Variants in ATG7 observed in about 807,000 individuals in gnomAD.
The protein encoded by ATG7 is ubiquitin-like modifier-activating enzyme ATG7.
A neutral mutation model predicts 82.4 loss-of-function variants in ATG7; 70 were observed. That is an observed-to-expected ratio of 0.85 (90% CI 0.70 to 1.04). The LOEUF is 1.04. ATG7 is among the 50% of genes least tolerant of loss of function. The pLI, the probability that ATG7 is intolerant of heterozygous loss-of-function variation, is 0.00. For missense variants in ATG7, 792 were observed against 864.3 expected, an observed-to-expected ratio of 0.92 and a Z score of 1.05; for synonymous variants, 287 against 313.0, an observed-to-expected ratio of 0.92 and a Z score of 0.88.
In ATG7 at chr3:11,447,204, G is replaced by C. The variant is rs181599321; in HGVS notation, c.2079+20278G>C. Among the ~76,000 whole-genome samples, 45 of 152,300 alleles carry C rather than the reference G, an allele frequency of 3.0e-4. 1 individual carries two copies. The East Asian group carries it at 6.9e-3, about 24-fold the overall frequency. Reference sequence around the variant, plus strand: ...TTATTGGCTGGACACAGTGGCTTACGCCTGTAATCCCAGCACTTTGGGAGG... The same window carrying C: ...TTATTGGCTGGACACAGTGGCTTACCCCTGTAATCCCAGCACTTTGGGAGG... On this transcript the variant is annotated intron_variant, in intron 20 of 20. Coordinates refer to ENST00000693202, the MANE Select transcript of ATG7 (RefSeq NM_001349232.2).
At chr3:11,329,122 A>G (rs1199743017) in intron 9 of ATG7, among the ~76,000 whole-genome samples, 1 of 152,150 alleles carries the variant, frequency 6.6e-6, no homozygotes, top group African/African-American at 2.4e-5. Flanking sequence ...AACAACAAAG[A>G]CAGTATTTAT....
At chr3:11,565,227 G>A in the ATG7 span, among the ~76,000 whole-genome samples, 1 of 152,154 alleles carries the variant, frequency 6.6e-6, no homozygotes, top group South Asian at 2.1e-4. The surrounding 1 kb of genome is among the most constrained non-coding windows in gnomAD (Gnocchi z 4.1). Flanking sequence ...TGCCAGCGGA[G>A]TCCAAAGTCA....
At chr3:11,295,759 ATTT>A (rs1945773200) in intron 3 of ATG7, among the ~76,000 whole-genome samples, 1 of 144,068 alleles carries the variant, frequency 6.9e-6, no homozygotes, top group Non-Finnish European at 1.5e-5. Flanking sequence ...TACTGGTTCT[ATTT>A]CTTTCTTTCT....
In ATG7 at chr3:11,371,278, A is replaced by AG. The variant is rs1326847196; in HGVS notation, c.1875+6545dup. On this transcript the variant is annotated intron_variant, in intron 18 of 20. Transcript: ENST00000693202. ...AGTAAGTGCTTTAGCAGGGGGACGTAGAACAGGCAGAAACAATGGCTGGGA... is the reference window on the plus strand; with the variant it reads ...AGTAAGTGCTTTAGCAGGGGGACGTAGGAACAGGCAGAAACAATGGCTGGGA... 1.1e-4 allele frequency among the ~76,000 whole-genome samples: 16 copies of AG among 151,268 alleles called. 2 individuals carry two copies. In the South Asian group the frequency reaches 3.1e-3, roughly 30 times the overall value.
intron 20 of ATG7, among the ~76,000 whole-genome samples, chr3:11,542,409 C>T (rs1313461622): frequency 2.0e-5 from 3 of 152,208 alleles, no homozygotes; most frequent in Non-Finnish European, 2.9e-5. Context: ...AGTCTTCTGC[C>T]GGAAACCTCA....
In ATG7 at chr3:11,557,525, C is replaced by T. The variant is rs1031890487; in HGVS notation, c.*2682C>T. The T allele has an allele frequency of 2.0e-5, 3 of 152,562 alleles. No homozygotes were observed. The highest frequency in any genetic ancestry group is 2.9e-5 in the Non-Finnish European group (2 of 68,048). 9.5% of individuals were successfully genotyped at this position (152,562 alleles called of 1,614,324 possible). A position where few individuals can be genotyped will look rare whatever the true frequency, so the allele number is the denominator to read the frequency against. On this transcript the variant is annotated 3_prime_UTR_variant, in exon 21 of 21. Coordinates refer to ENST00000693202, the MANE Select transcript of ATG7 (RefSeq NM_001349232.2). ...ACACCGCAGCTGACCCACTGCTCAT[C>T]GCGAGGGCCTGCCAGGAGCTGGCCT...
In ATG7 at chr3:11,555,384, T is replaced by TAA. The variant is rs2072304494; in HGVS notation, c.*543_*544dup. On this transcript the variant is annotated 3_prime_UTR_variant, in exon 21 of 21. Transcript: ENST00000693202. ...AGGAGAGCCGAGCTGGGTACGAGAC[T>TAA]AAAGGGCCCACATGACCCAGTGACG... 1 of 154,208 alleles carries TAA rather than the reference T, an allele frequency of 6.5e-6. No homozygotes were observed. Among genetic ancestry groups the TAA allele is most frequent in the African/African-American group, 2.4e-5 (1 of 41,466 alleles). The allele number at this position is 154,208 out of a possible 1,614,324, so 9.6% of individuals were successfully genotyped here.
At chr3:11,421,883 A>G (rs553599094) in intron 19 of ATG7, among the ~76,000 whole-genome samples, 2 of 152,338 alleles carry the variant, frequency 1.3e-5, no homozygotes, top group South Asian at 2.1e-4. Flanking sequence ...CTCTTTGTAC[A>G]TCTCCATCAG....
chr3:11,532,339 A>T (rs574861613), intron 20 of ATG7, among the ~76,000 whole-genome samples: 1 of 152,188 alleles, frequency 6.6e-6, no homozygotes, highest in East Asian at 1.9e-4. Flanking sequence ...CTATGGCCCA[A>T]AACAGAGGAG....
intron 20 of ATG7, among the ~76,000 whole-genome samples, chr3:11,468,992 G>T (rs1338158144): frequency 1.3e-5 from 2 of 152,180 alleles, no homozygotes; most frequent in African/African-American, 4.8e-5. Context: ...AATCTTGTTG[G>T]GTTGTTGCAT....
At chr3:11,401,652 C>T (rs937366805) in intron 19 of ATG7, among the ~76,000 whole-genome samples, 24 of 152,188 alleles carry the variant, frequency 1.6e-4, no homozygotes, top group African/African-American at 5.1e-4. Context: ...TCTCTGACCC[C>T]TCCTTCTGTT....
At position 11,324,953 on chromosome 3, in the gene ATG7, C is replaced by T. The variant is rs535551035; in HGVS notation, c.679-6387C>T. Among the ~76,000 whole-genome samples, 19 of 152,310 alleles carry T rather than the reference C, an allele frequency of 1.2e-4. No individual in the cohort carries two copies. In the South Asian group the frequency reaches 3.7e-3, roughly 30 times the overall value. On this transcript the variant is annotated intron_variant, in intron 9 of 20. Transcript: ENST00000693202. Reference sequence around the variant, plus strand: ...TTCAGTCAACAATGGACCACATATACGGCAGTGGTTCCATAAGATTATAAT... The same window carrying T: ...TTCAGTCAACAATGGACCACATATATGGCAGTGGTTCCATAAGATTATAAT...
chr3:11,552,649 CCT>C (rs766447029), intron 20 of ATG7, among the ~76,000 whole-genome samples: 5 of 152,252 alleles, frequency 3.3e-5, no homozygotes, highest in Admixed American at 2.0e-4. Flanking sequence ...CTGGAAAATC[CCT>C]GAGTGGTTTT....
rs781492520 is a variant in ATG7, at chr3:11,371,934, G to A, written c.1875+7200G>A. On this transcript the variant is annotated intron_variant, in intron 18 of 20. Transcript: ENST00000693202. Reference sequence around the variant, plus strand: ...CAGGTGTGCCTAATGAATTCCTGCCGGACCACACGCTGTCCAGCTGGGAAC... The same window carrying A: ...CAGGTGTGCCTAATGAATTCCTGCCAGACCACACGCTGTCCAGCTGGGAAC... Among the ~76,000 whole-genome samples, 80 of 151,430 alleles carry A rather than the reference G, an allele frequency of 5.3e-4. 1 individual carries two copies. The highest frequency in any genetic ancestry group is 9.7e-4 in the African/African-American group (40 of 41,150).
intron 3 of ATG7, among the ~76,000 whole-genome samples, chr3:11,288,976 A>G (rs1028929180): frequency 1.3e-5 from 2 of 152,176 alleles, no homozygotes; most frequent in South Asian, 4.1e-4. Context: ...TTGAATCCCT[A>G]TCAAAACCTT....
the ATG7 span, among the ~76,000 whole-genome samples, chr3:11,573,293 AAGAAAG>A: frequency 1.1e-3 from 14 of 12,178 alleles, 3 homozygotes; most frequent in Non-Finnish European, 4.0e-4. Context: ...GAAAGAAAGA[AAGAAAG>A]AAAGAAAGGA....
At chr3:11,573,121 G>C in the ATG7 span, among the ~76,000 whole-genome samples, 1 of 151,576 alleles carries the variant, frequency 6.6e-6, no homozygotes, top group Non-Finnish European at 1.5e-5. Flanking sequence ...AGCCAAGATC[G>C]AGCCATTGCA....
At chr3:11,396,733 G>A (rs1336933811) in intron 19 of ATG7, among the ~76,000 whole-genome samples, 1 of 148,024 alleles carries the variant, frequency 6.8e-6, no homozygotes, top group Non-Finnish European at 1.5e-5. Flanking sequence ...AGTGAGCCGA[G>A]ATGGCGCCAC....
intron 20 of ATG7, among the ~76,000 whole-genome samples, chr3:11,527,041 A>ATGTGTG (rs370131709): frequency 1.0e-4 from 14 of 138,328 alleles, no homozygotes; most frequent in African/African-American, 3.2e-4. Context: ...GTGTGTATAT[A>ATGTGTG]TGTGTGTGTG....
Sources: gnomAD v4.1 joint callset for allele counts (sites outside exome capture counted in the v4.1 genomes callset) on GRCh38, gnomAD v4.1.1 for gene constraint, Gnocchi (gnomAD v3.1) non-coding constraint, MANE v1.5 for transcripts, NCBI Gene and HGNC (gene_info 2026-07-23, HGNC 2026-07-21) for gene names.